ALMS1: variants seen among roughly 807,000 people sequenced by gnomAD.
ALMS1 encodes ALMS1 centrosome and basal body associated protein, also known as centrosome-associated protein ALMS1.
A neutral mutation model predicts 352.2 loss-of-function variants in ALMS1; 271 were observed. That is an observed-to-expected ratio of 0.77 (90% CI 0.70 to 0.85). The LOEUF (loss-of-function observed/expected upper bound fraction) is 0.85. Among genes scored for constraint, ALMS1 ranks in the 40% least tolerant of loss-of-function variants. ALMS1 has a pLI of 0.00. For synonymous variants in ALMS1, 1,865 were observed against 1,761.2 expected, an observed-to-expected ratio of 1.06 and a Z score of -1.48; for missense variants, 5,445 against 4,870.7, an observed-to-expected ratio of 1.12 and a Z score of -3.51.
At chr2:73,600,324 T>C (rs1675648934) in intron 17 of ALMS1, among the ~76,000 whole-genome samples, 1 of 152,236 alleles carries the variant, frequency 6.6e-6, no homozygotes, top group South Asian at 2.1e-4. Context: ...AATCCTGTCT[T>C]CTGTCAGCCT....
chr2:73,456,566 G>T (rs961743979), intron 9 of ALMS1, among the ~76,000 whole-genome samples: 1 of 152,114 alleles, frequency 6.6e-6, no homozygotes, highest in African/African-American at 2.4e-5. Context: ...AATCCTGAAA[G>T]AATTGATATA....
chr2:73,590,870 G>A (rs576700050), intron 16 of ALMS1, among the ~76,000 whole-genome samples: 173 of 151,644 alleles, frequency 1.1e-3, no homozygotes, highest in Non-Finnish European at 2.1e-3. Context: ...TAGTAGAGAC[G>A]GGGTTTCACC....
In ALMS1 at chr2:73,490,976, A is replaced by C; in HGVS notation, c.9017A>C (p.His3006Pro). The C allele has an allele frequency of 3.7e-6, 6 of 1,614,228 alleles. No individual in the cohort carries two copies. Among genetic ancestry groups the C allele is most frequent in the Non-Finnish European group, 5.1e-6 (6 of 1,180,032 alleles). The change falls in exon 10 of 23, where the codon CAC becomes CCC. Residue 3006 changes from histidine to proline, a missense_variant. By Grantham distance (77) the His-to-Pro change is moderately conservative. Coordinates refer to ENST00000613296, the MANE Select transcript of ALMS1 (RefSeq NM_001378454.1). ...AATAATCAACATAAGCCTAAATCAC[A>C]CATTTCTAATATAAATGTTGAAGCC... ...EKNNQHKPKSHISNINVEAKF... is the reference protein window; with the variant it reads ...EKNNQHKPKSPISNINVEAKF...
intron 16 of ALMS1, among the ~76,000 whole-genome samples, chr2:73,575,714 T>C (rs1160046912): frequency 6.6e-6 from 1 of 152,226 alleles, no homozygotes. Context: ...CTATATATTC[T>C]GGATATTGAT....
At chr2:73,407,536 A>G (rs556992823) in intron 1 of ALMS1, among the ~76,000 whole-genome samples, 2 of 152,332 alleles carry the variant, frequency 1.3e-5, no homozygotes, top group Admixed American at 1.3e-4. Context: ...TTGTCCATAT[A>G]TTTACCTTTA....
At chr2:73,390,430 T>C (rs191997177) in intron 1 of ALMS1, among the ~76,000 whole-genome samples, 1 of 152,370 alleles carries the variant, frequency 6.6e-6, no homozygotes, top group African/African-American at 2.4e-5. Context: ...TTTACTCTCA[T>C]ATCTCACTAG....
At chr2:73,434,353 A>G (rs1671567642) in intron 7 of ALMS1, among the ~76,000 whole-genome samples, 1 of 151,796 alleles carries the variant, frequency 6.6e-6, no homozygotes, top group Non-Finnish European at 1.5e-5. Context: ...TTACATTGTG[A>G]TTTTTCTACA....
rs1341341121 is a variant in ALMS1, at chr2:73,609,876, A to G, written c.*264A>G. On this transcript the variant is annotated 3_prime_UTR_variant, in exon 23 of 23. Coordinates refer to ENST00000613296, the MANE Select transcript of ALMS1 (RefSeq NM_001378454.1). ...TTCTCAAGAATAAGTCCCTTTTTGTATGTGTTTTTATACTTTTAGAAAATA... is the reference window on the plus strand; with the variant it reads ...TTCTCAAGAATAAGTCCCTTTTTGTGTGTGTTTTTATACTTTTAGAAAATA... 3.0e-5 allele frequency: 14 copies of G among 461,188 alleles called. No homozygotes were observed. The highest frequency in any genetic ancestry group is 4.2e-5 in the East Asian group (1 of 23,830). The allele number at this position is 461,188 out of a possible 1,614,324, so 28.6% of individuals were successfully genotyped here.
At chr2:73,549,017 C>A (rs1247180582) in intron 12 of ALMS1, among the ~76,000 whole-genome samples, 1 of 152,206 alleles carries the variant, frequency 6.6e-6, no homozygotes, top group African/African-American at 2.4e-5. Flanking sequence ...TCCTTGCAGT[C>A]TGTCCTGCAA....
intron 9 of ALMS1, among the ~76,000 whole-genome samples, chr2:73,488,679 C>T (rs201538613): frequency 1.9e-4 from 29 of 152,276 alleles, no homozygotes; most frequent in East Asian, 1.4e-3. Context: ...GATGGGATGC[C>T]GCTGCCATCA....
chr2:73,418,932 T>G (rs1558637055), intron 2 of ALMS1, among the ~76,000 whole-genome samples, 191 bp from the exon 3 acceptor site: 1 of 152,212 alleles, frequency 6.6e-6, no homozygotes, highest in Non-Finnish European at 1.5e-5. Flanking sequence ...AAAAAAGATG[T>G]GTAGTAATGG....
At chr2:73,595,473 A>C (rs542497171) in intron 16 of ALMS1, among the ~76,000 whole-genome samples, 2 of 152,304 alleles carry the variant, frequency 1.3e-5, no homozygotes, top group East Asian at 3.9e-4. Flanking sequence ...AGTATGCATC[A>C]GTGGTTCCTT....
In ALMS1 at chr2:73,519,901, T is replaced by G. The variant is rs1264120847; in HGVS notation, c.9666T>G (p.Ala3222=). 6.2e-6 allele frequency: 10 copies of G among 1,614,108 alleles called. No individual in the cohort carries two copies. The highest frequency in any genetic ancestry group is 8.5e-6 in the Non-Finnish European group (10 of 1,179,960). ...TTTCATCTGAGATTTTTATTAATGCTGAAGATCGTGGACATGAAATTATAG... is the reference window on the plus strand; with the variant it reads ...TTTCATCTGAGATTTTTATTAATGCGGAAGATCGTGGACATGAAATTATAG... ...TLFSSEIFIN[A]EDRGHEIIEP... Residue 3222 remains alanine, a synonymous_variant, in exon 11 of 23, where the codon GCT becomes GCG. Coordinates refer to ENST00000613296, the MANE Select transcript of ALMS1 (RefSeq NM_001378454.1).
At chr2:73,435,230 CTGTT>C (rs1163946656) in intron 7 of ALMS1, among the ~76,000 whole-genome samples, 1 of 152,074 alleles carries the variant, frequency 6.6e-6, no homozygotes, top group Non-Finnish European at 1.5e-5. Context: ...ATTATTTAAT[CTGTT>C]TGCATTTAAT....
Position 73,448,131 on chromosome 2 carries a change from A to G in ALMS1, c.1604A>G (p.Asp535Gly). The G allele has an allele frequency of 6.2e-7, 1 of 1,613,970 alleles. No individual in the cohort carries two copies. The highest frequency in any genetic ancestry group is 1.1e-5 in the South Asian group (1 of 91,082). Residue 535 changes from aspartate (D) to glycine (G), a missense_variant, in exon 8 of 23, where the codon GAT (aspartate) becomes GGT (glycine). By Grantham distance (94) the Asp-to-Gly change is moderately conservative (BLOSUM62 -1). Coordinates refer to ENST00000613296, the MANE Select transcript of ALMS1 (RefSeq NM_001378454.1). ...PLETTTGQHT[D>G]TLNQKTLADT... is the part of the protein sequence containing the mutation. ...GAAACTACTACTGGTCAACACACTGATACTCTCAACCAAAAGACATTAGCA... is the reference window on the plus strand; with the variant it reads ...GAAACTACTACTGGTCAACACACTGGTACTCTCAACCAAAAGACATTAGCA...
intron 12 of ALMS1, 110 bp from the exon 13 acceptor site, chr2:73,550,157 G>A (rs1252013421): frequency 1.4e-5 from 16 of 1,153,384 alleles, no homozygotes; most frequent in Non-Finnish European, 1.9e-5. Context: ...ATCGTGCCTG[G>A]CCTGTAGTGC....
intron 7 of ALMS1, among the ~76,000 whole-genome samples, chr2:73,439,494 T>G (rs1467607836): frequency 1.3e-5 from 2 of 152,156 alleles, no homozygotes; most frequent in Admixed American, 6.5e-5. Flanking sequence ...CATCATATAA[T>G]TGGGTCATTT....
intron 9 of ALMS1, among the ~76,000 whole-genome samples, chr2:73,455,849 T>A (rs1319105262): frequency 6.6e-6 from 1 of 152,228 alleles, no homozygotes; most frequent in East Asian, 1.9e-4. Flanking sequence ...TCAATTTTTT[T>A]TTTAAGAACA....
intron 12 of ALMS1, among the ~76,000 whole-genome samples, chr2:73,535,874 A>G (rs1674016457): frequency 6.6e-6 from 1 of 152,180 alleles, no homozygotes; most frequent in African/African-American, 2.4e-5. Flanking sequence ...GTCATTATAT[A>G]TATAGAAATT....
Sources: gnomAD v4.1 joint callset for allele counts (sites outside exome capture counted in the v4.1 genomes callset) on GRCh38, gnomAD v4.1.1 for gene constraint, MANE v1.5 for transcripts, NCBI Gene and HGNC (gene_info 2026-07-23, HGNC 2026-07-21) for gene names.